The following PPP1R9A variants were observed in gnomAD, a reference collection of about 807,000 sequenced individuals.
PPP1R9A encodes the protein protein phosphatase 1 regulatory subunit 9A.
PPP1R9A carries 59 observed loss-of-function variants against 141.9 expected under a neutral mutation model. The observed-to-expected ratio is 0.42, with a 90% confidence interval of 0.34 to 0.52. The LOEUF (loss-of-function observed/expected upper bound fraction) is 0.52. Ranked by LOEUF, PPP1R9A falls within the 20% of genes least tolerant of loss-of-function variation. PPP1R9A has a pLI of 0.10. For synonymous variants in PPP1R9A, 500 were observed against 569.7 expected (o/e 0.88, Z 1.74); for missense variants, 1,444 against 1,611.9 (o/e 0.90, Z 1.78).
At chr7:95,108,634 T>C (rs1474369458) in intron 2 of PPP1R9A, among the ~76,000 whole-genome samples, 1 of 152,108 alleles carries the variant, frequency 6.6e-6, no homozygotes, top group African/African-American at 2.4e-5. Flanking sequence ...TCTCAAAAAT[T>C]ATACACAGTA....
chr7:95,097,359 A>G (rs1473668156), intron 2 of PPP1R9A, among the ~76,000 whole-genome samples: 1 of 152,168 alleles, frequency 6.6e-6, no homozygotes, highest in African/African-American at 2.4e-5. Flanking sequence ...GCATAGTGCC[A>G]ACCAGTGAGC....
In PPP1R9A at chr7:94,960,031, C is replaced by T. The variant is rs577446488; in HGVS notation, c.1395+48523C>T. On this transcript the variant is annotated intron_variant, in intron 2 of 19. Coordinates refer to ENST00000433360, the MANE Select transcript of PPP1R9A (RefSeq NM_001166160.2). ...TTCTGCTTCACCATGTGGTCTATAC[C>T]CCTATTCTATTCATTTGTAGAATGT... 2.6e-5 allele frequency among the ~76,000 whole-genome samples: 4 copies of T among 151,560 alleles called. No individual in the cohort carries two copies. The South Asian group carries it at 8.3e-4, about 32-fold the overall frequency.
chr7:95,248,196 A>ATATTTTTTTTTTTTTTTTTT (rs1389328637), intron 9 of PPP1R9A, among the ~76,000 whole-genome samples: 1 of 148,158 alleles, frequency 6.7e-6, no homozygotes, highest in Non-Finnish European at 1.5e-5. Context: ...TTAAAAATAT[A>ATATTTTTTTTTTTTTTTTTT]TTTTAAATTA....
chr7:95,179,974 C>T (rs1211859665), intron 5 of PPP1R9A, among the ~76,000 whole-genome samples: 2 of 152,026 alleles, frequency 1.3e-5, no homozygotes, highest in East Asian at 3.9e-4. Flanking sequence ...AAATGCAATG[C>T]AATTCCCATC....
intron 2 of PPP1R9A, among the ~76,000 whole-genome samples, chr7:95,109,868 G>T (rs1049476928): frequency 5.3e-5 from 8 of 151,312 alleles, no homozygotes; most frequent in Admixed American, 2.6e-4. Flanking sequence ...AAAAGAAAAA[G>T]AAAAATATTA....
At chr7:95,276,710 G>A (rs1291933555) in intron 16 of PPP1R9A, among the ~76,000 whole-genome samples, 1 of 152,052 alleles carries the variant, frequency 6.6e-6, no homozygotes, top group Non-Finnish European at 1.5e-5. Flanking sequence ...ATAATTATTA[G>A]TAATTATAGT....
intron 10 of PPP1R9A, among the ~76,000 whole-genome samples, chr7:95,251,303 G>A (rs893118503): frequency 2.6e-5 from 4 of 151,942 alleles, no homozygotes; most frequent in African/African-American, 9.7e-5. Flanking sequence ...TGCCCCTCTC[G>A]ATGTTTCTGA....
chr7:94,960,317 G>C (rs1797495989), intron 2 of PPP1R9A, among the ~76,000 whole-genome samples: 1 of 151,484 alleles, frequency 6.6e-6, no homozygotes. Context: ...AAGTAAAACT[G>C]ATCAGTGAAA....
At chr7:95,138,523 T>C (rs997037215) in intron 4 of PPP1R9A, among the ~76,000 whole-genome samples, 2 of 152,102 alleles carry the variant, frequency 1.3e-5, no homozygotes, top group African/African-American at 2.4e-5. Flanking sequence ...AACTGAGAAA[T>C]TGAACTTCAT....
At chr7:94,967,126 A>T (rs10252172) in intron 2 of PPP1R9A, among the ~76,000 whole-genome samples, 4 of 152,064 alleles carry the variant, frequency 2.6e-5, no homozygotes, top group Admixed American at 6.5e-5. Context: ...GTATTCTCTG[A>T]TGGTAGTTTG....
intron 16 of PPP1R9A, among the ~76,000 whole-genome samples, chr7:95,279,768 G>A (rs931504688): frequency 2.0e-5 from 3 of 152,122 alleles, no homozygotes; most frequent in Non-Finnish European, 4.4e-5. Flanking sequence ...AACATTTTAA[G>A]GTAGAATCAG....
rs2116172339 is a variant in PPP1R9A, at chr7:95,292,605, A to G, written c.*2302A>G. ...ATAACTTTGTATATTGAATGTTTAG[A>G]TAAATGTCCAACTGACAATGTTATA... On this transcript the variant is annotated 3_prime_UTR_variant, in exon 20 of 20. Coordinates refer to ENST00000433360, the MANE Select transcript of PPP1R9A (RefSeq NM_001166160.2). The G allele has an allele frequency of 6.6e-6, 1 of 152,328 alleles. No individual in the cohort carries two copies. The highest frequency in any genetic ancestry group is 1.9e-4 in the East Asian group (1 of 5,186). The allele number at this position is 152,328 out of a possible 1,614,324, so 9.4% of individuals were successfully genotyped here.
chr7:95,031,253 C>T (rs539130546), intron 2 of PPP1R9A, among the ~76,000 whole-genome samples: 2 of 152,212 alleles, frequency 1.3e-5, no homozygotes, highest in East Asian at 3.9e-4. Context: ...CTAACGTTGG[C>T]AGCTGAATGT....
At chr7:95,104,879 T>C (rs568783889) in intron 2 of PPP1R9A, among the ~76,000 whole-genome samples, 33 of 152,342 alleles carry the variant, frequency 2.2e-4, no homozygotes, top group African/African-American at 7.9e-4. Flanking sequence ...ACTGAAATCA[T>C]GTGAAGGTGA....
intron 2 of PPP1R9A, among the ~76,000 whole-genome samples, chr7:95,027,435 T>C (rs1807031635): frequency 6.6e-6 from 1 of 152,120 alleles, no homozygotes; most frequent in Non-Finnish European, 1.5e-5. Context: ...CCAGTCCCCA[T>C]GAGATGAGCT....
At chr7:94,977,121 G>C (rs960868547) in intron 2 of PPP1R9A, among the ~76,000 whole-genome samples, 1 of 152,140 alleles carries the variant, frequency 6.6e-6, no homozygotes, top group Non-Finnish European at 1.5e-5. Context: ...GGGAGTAAGA[G>C]GGGATCAAGG....
chr7:95,034,328 C>T (rs1012498595), intron 2 of PPP1R9A, among the ~76,000 whole-genome samples: 1 of 151,452 alleles, frequency 6.6e-6, no homozygotes, highest in Non-Finnish European at 1.5e-5. Flanking sequence ...TTTTAAAATA[C>T]AGCATTAATT....
chr7:94,981,353 C>T (rs1338437090), intron 2 of PPP1R9A, among the ~76,000 whole-genome samples: 1 of 152,158 alleles, frequency 6.6e-6, no homozygotes, highest in African/African-American at 2.4e-5. Flanking sequence ...AATTCTCCTG[C>T]CTCAGCCTCC....
At chr7:95,139,859 C>T (rs892182276) in intron 4 of PPP1R9A, among the ~76,000 whole-genome samples, 2 of 148,638 alleles carry the variant, frequency 1.3e-5, no homozygotes, top group Non-Finnish European at 3.0e-5. Context: ...TGACTCCCAA[C>T]CTCATCATGA....
Sources: gnomAD v4.1 joint callset for allele counts (sites outside exome capture counted in the v4.1 genomes callset) on GRCh38, gnomAD v4.1.1 for gene constraint, MANE v1.5 for transcripts, NCBI Gene and HGNC (gene_info 2026-07-23, HGNC 2026-07-21) for gene names.